Variants in MSH4 observed in about 807,000 individuals in gnomAD.
MSH4 encodes the protein mutS homolog 4.
In MSH4, 106 loss-of-function variants were observed where a neutral mutation model predicts 113.7. The observed-to-expected ratio is 0.93, with a 90% CI of 0.80 to 1.10. The LOEUF is 1.10. Ranked by LOEUF, MSH4 falls within the 50% of genes least tolerant of loss-of-function variation. The probability of loss-of-function intolerance (pLI) is 0.00; values close to 1 mark genes in which losing one functional copy is unlikely to be tolerated. For synonymous variants in MSH4, 368 were observed against 380.2 expected (o/e 0.97, Z 0.37); for missense variants, 1,061 against 1,093.7 (o/e 0.97, Z 0.42).
In MSH4 at chr1:75,797,206, C is replaced by T. The variant is rs767336645; in HGVS notation, c.221C>T (p.Ala74Val). The T allele has an allele frequency of 2.3e-5, 37 of 1,605,808 alleles. No homozygotes were observed. Among genetic ancestry groups the T allele is most frequent in the Non-Finnish European group, 2.8e-5 (33 of 1,176,486 alleles). ...SSSSSSLPCPAPNSRPAQGSY... is the reference protein window; with the variant it reads ...SSSSSSLPCPVPNSRPAQGSY... ...AGCAGCAGCAGCCTTCCCTGCCCCG[C>T]GCCAAACTCCCGGCCAGCTCAAGGC... Residue 74 changes from alanine (A) to valine (V), a missense_variant, in exon 1 of 20, where the codon GCG becomes GTG. Transcript: ENST00000263187.
chr1:75,833,174 T>TC (rs1466812416), intron 7 of MSH4, among the ~76,000 whole-genome samples: 1 of 152,102 alleles, frequency 6.6e-6, no homozygotes, highest in Non-Finnish European at 1.5e-5. Flanking sequence ...ATGAGTGAAC[T>TC]CCCATTCACA....
chr1:75,821,677 T>A (rs556023607), intron 6 of MSH4, among the ~76,000 whole-genome samples: 2 of 152,192 alleles, frequency 1.3e-5, no homozygotes, highest in Non-Finnish European at 2.9e-5. Flanking sequence ...GGTGCAAGTA[T>A]GGTTCACTGC....
rs1650264368 is a variant in MSH4 at position 75,814,909 on chromosome 1, T to G, written c.700-112T>G. On this transcript the variant is annotated intron_variant, in intron 4 of 19. Coordinates refer to ENST00000263187, the MANE Select transcript of MSH4 (RefSeq NM_002440.4). ...CTAAGAAAAGTTCTTATTTAAATGT[T>G]GAAATTTTTATACAATATTTAAGCC... 7 of 637,282 alleles carry G rather than the reference T, an allele frequency of 1.1e-5. No homozygotes were observed. The South Asian group carries it at 1.3e-4, about 12-fold the overall frequency. The allele number at this position is 637,282 out of a possible 1,614,324, so 39.5% of individuals were successfully genotyped here. A position where few individuals can be genotyped will look rare whatever the true frequency, so the allele number is the denominator to read the frequency against.
At chr1:75,851,944 A>T (rs1651197705) in intron 8 of MSH4, among the ~76,000 whole-genome samples, 1 of 152,200 alleles carries the variant, frequency 6.6e-6, no homozygotes, top group African/African-American at 2.4e-5. Context: ...GCATTCACAG[A>T]GTTGTACAAC....
chr1:75,853,220 A>T (rs1651229250), intron 8 of MSH4, among the ~76,000 whole-genome samples: 1 of 152,102 alleles, frequency 6.6e-6, no homozygotes, highest in Non-Finnish European at 1.5e-5. Context: ...ACCCGCCACC[A>T]TGCCCAGCTA....
chr1:75,824,501 T>G (rs2100522950), intron 7 of MSH4, among the ~76,000 whole-genome samples: 1 of 152,340 alleles, frequency 6.6e-6, no homozygotes, highest in African/African-American at 2.4e-5. Context: ...CAATTTTGGC[T>G]TTTGTTGCCA....
At chr1:75,840,195 T>C (rs1650922496) in intron 7 of MSH4, among the ~76,000 whole-genome samples, 1 of 147,518 alleles carries the variant, frequency 6.8e-6, no homozygotes, top group Non-Finnish European at 1.5e-5. Context: ...CTATAAATCA[T>C]GCTGCTATAA....
rs577784785 is a variant in MSH4 at position 75,842,968 on chromosome 1, G to A, written c.1163-5241G>A. Among the ~76,000 whole-genome samples the A allele has an allele frequency of 1.1e-3, 171 of 152,114 alleles. 1 individual carries two copies. The highest frequency in any genetic ancestry group is 1.7e-3 in the Non-Finnish European group (116 of 68,026). On this transcript the variant is annotated intron_variant, in intron 7 of 19. Coordinates refer to ENST00000263187, the MANE Select transcript of MSH4 (RefSeq NM_002440.4). ...GTGGTCACACTCCTAGTCTGCCTTC[G>A]TGTTCCATCCTGTACACCTGGCTCT...
chr1:75,911,036 A>G (rs759991916), intron 19 of MSH4, among the ~76,000 whole-genome samples: 4 of 151,928 alleles, frequency 2.6e-5, no homozygotes, highest in Non-Finnish European at 5.9e-5. Context: ...TCTAGTGTAA[A>G]AAGTCCTCTG....
intron 8 of MSH4, among the ~76,000 whole-genome samples, chr1:75,864,289 A>T (rs1474309647): frequency 1.3e-5 from 2 of 152,158 alleles, no homozygotes; most frequent in African/African-American, 4.8e-5. Flanking sequence ...TGAGTTGCTG[A>T]CAGTTTTTGC....
chr1:75,825,362 G>T lies in MSH4; in HGVS notation c.1162+2781G>T, dbSNP rs150090592. Among the ~76,000 whole-genome samples, 123 of 152,090 alleles carry T rather than the reference G, an allele frequency of 8.1e-4. No individual in the cohort carries two copies. In the East Asian group the frequency reaches 0.022, roughly 28 times the overall value. Reference sequence around the variant, plus strand: ...TGTTTATCAGTTTAAGGAGTTTTTGGGCTGAGACGATGGGGTTTTCTAAAT... The same window carrying T: ...TGTTTATCAGTTTAAGGAGTTTTTGTGCTGAGACGATGGGGTTTTCTAAAT... On this transcript the variant is annotated intron_variant, in intron 7 of 19. Transcript: ENST00000263187.
chr1:75,816,631 T>C (rs1650300399), intron 6 of MSH4, 85 bp downstream of exon 6: 2 of 856,600 alleles, frequency 2.3e-6, no homozygotes, highest in Admixed American at 4.0e-5. Flanking sequence ...TCTTTTTTTC[T>C]TTTTTAAATT....
chr1:75,880,434 TTTA>T (rs1364180864), intron 13 of MSH4, among the ~76,000 whole-genome samples: 1 of 152,116 alleles, frequency 6.6e-6, no homozygotes, highest in Non-Finnish European at 1.5e-5. Context: ...CTTCGTTCAG[TTTA>T]TTATTTTCCT....
intron 11 of MSH4, 132 bp from the exon 12 acceptor site, chr1:75,878,860 A>T: frequency 1.3e-6 from 1 of 763,136 alleles, no homozygotes. Flanking sequence ...AGTTTGAAAG[A>T]GCAACAAGAC....
intron 9 of MSH4, among the ~76,000 whole-genome samples, chr1:75,873,345 T>C (rs181518290): frequency 6.6e-6 from 1 of 152,348 alleles, no homozygotes; most frequent in East Asian, 1.9e-4. Flanking sequence ...AATTCAGCCA[T>C]GTGACTGTGA....
intron 7 of MSH4, among the ~76,000 whole-genome samples, chr1:75,836,030 C>T (rs1650820329): frequency 6.6e-6 from 1 of 152,136 alleles, no homozygotes; most frequent in African/African-American, 2.4e-5. Flanking sequence ...GCGCTTTGTT[C>T]TTAAACACAG....
intron 17 of MSH4, among the ~76,000 whole-genome samples, chr1:75,893,071 G>A (rs937843872): frequency 6.6e-6 from 1 of 152,202 alleles, no homozygotes; most frequent in Non-Finnish European, 1.5e-5. Flanking sequence ...ACCAGGAAAT[G>A]TGCATCACTT....
chr1:75,875,597 C>T (rs1260668112), intron 9 of MSH4, among the ~76,000 whole-genome samples: 1 of 152,060 alleles, frequency 6.6e-6, no homozygotes, highest in Non-Finnish European at 1.5e-5. Context: ...CTTCCTGGTC[C>T]CTTAACTGTT....
intron 7 of MSH4, among the ~76,000 whole-genome samples, chr1:75,826,604 A>G (rs1411221087): frequency 6.6e-6 from 1 of 152,176 alleles, no homozygotes; most frequent in African/African-American, 2.4e-5. Context: ...ATTTAGTGCT[A>G]TAAATTTCCC....
Sources: allele counts gnomAD v4.1 joint callset (sites outside exome capture counted in the v4.1 genomes callset), GRCh38; gene constraint gnomAD v4.1.1; transcripts MANE v1.5; gene names NCBI Gene and HGNC (gene_info 2026-07-23, HGNC 2026-07-21).